HECW2: variants seen among roughly 807,000 people sequenced by gnomAD.
HECW2 encodes HECT, C2 and WW domain containing E3 ubiquitin protein ligase 2, also known as E3 ubiquitin-protein ligase HECW2.
Under a neutral mutation model 175.2 loss-of-function variants are expected in HECW2, and 61 were observed. The ratio of observed to expected loss-of-function variants is 0.35; its 90% CI spans 0.28 to 0.43. The LOEUF is 0.43. Among genes scored for constraint, HECW2 ranks in the 20% least tolerant of loss-of-function variants. The pLI, the probability that HECW2 is intolerant of heterozygous loss-of-function variation, is 1.00. For synonymous variants in HECW2, 671 were observed against 731.0 expected, an observed-to-expected ratio of 0.92 and a Z score of 1.32; for missense variants, 1,524 against 2,000.5, an observed-to-expected ratio of 0.76 and a Z score of 4.54.
At chr2:196,534,506 C>A (rs1688952765) in intron 1 of HECW2, among the ~76,000 whole-genome samples, 1 of 152,176 alleles carries the variant, frequency 6.6e-6, no homozygotes, top group Non-Finnish European at 1.5e-5. Flanking sequence ...AGAATCTTTT[C>A]AGCCTCAGAA....
intron 2 of HECW2, among the ~76,000 whole-genome samples, chr2:196,430,832 G>A (rs1343020132): frequency 2.6e-5 from 4 of 151,954 alleles, no homozygotes; most frequent in African/African-American, 9.6e-5. Context: ...ATGCATAACT[G>A]GCATCTCAGA....
intron 2 of HECW2, among the ~76,000 whole-genome samples, chr2:196,372,208 G>A (rs1693926602): frequency 6.6e-6 from 1 of 152,044 alleles, no homozygotes; most frequent in Admixed American, 6.5e-5. Flanking sequence ...TGATTTTCTT[G>A]ATATGTGGCA....
chr2:196,295,197 G>A (rs1290173704), intron 13 of HECW2, among the ~76,000 whole-genome samples: 2 of 152,166 alleles, frequency 1.3e-5, no homozygotes, highest in East Asian at 3.9e-4. Flanking sequence ...ATGCAGGCAG[G>A]CCTATGCATG....
At chr2:196,477,416 A>G (rs1686680710) in intron 1 of HECW2, among the ~76,000 whole-genome samples, 2 of 152,232 alleles carry the variant, frequency 1.3e-5, no homozygotes, top group African/African-American at 2.4e-5. Flanking sequence ...GCTTTTTAAA[A>G]TAAAGAAAAC....
chr2:196,438,017 G>T (rs1412498930), intron 1 of HECW2, among the ~76,000 whole-genome samples: 1 of 152,154 alleles, frequency 6.6e-6, no homozygotes, highest in Admixed American at 6.5e-5. Flanking sequence ...GGGTTTGTTT[G>T]CTTTCACGTT....
At chr2:196,456,424 T>C (rs902753065) in intron 1 of HECW2, among the ~76,000 whole-genome samples, 2 of 147,656 alleles carry the variant, frequency 1.4e-5, no homozygotes, top group Non-Finnish European at 3.0e-5. Flanking sequence ...ATTGCCACAC[T>C]ACTGGCTTCA....
At chr2:196,310,430 T>C (rs576686624) in intron 10 of HECW2, among the ~76,000 whole-genome samples, 23 of 152,230 alleles carry the variant, frequency 1.5e-4, no homozygotes, top group African/African-American at 5.5e-4. Context: ...ATGAACTACA[T>C]ATCCACTTCT....
intron 1 of HECW2, among the ~76,000 whole-genome samples, chr2:196,528,404 G>T (rs1688740073): frequency 6.6e-6 from 1 of 152,072 alleles, no homozygotes; most frequent in African/African-American, 2.4e-5. Flanking sequence ...ACACTATTCT[G>T]TTCTCCACAT....
chr2:196,319,145 G>A lies in HECW2; in HGVS notation c.1745C>T (p.Thr582Ile). 1 of 1,594,198 alleles carries A rather than the reference G, an allele frequency of 6.3e-7. No homozygotes were observed. Among genetic ancestry groups the A allele is most frequent in the Non-Finnish European group, 8.6e-7 (1 of 1,169,440 alleles). The change falls in exon 9 of 29, where the codon ACA becomes ATA. Residue 582 changes from threonine to isoleucine, a missense_variant. By Grantham distance (89) the Thr-to-Ile change is moderately conservative. Around this residue, in one of 11 missense-constraint regions of HECW2, gnomAD observed 604 missense variants for 588.3 expected, o/e 1.03. Transcript: ENST00000644978. The stretch of plus-strand genomic sequence containing the variant: ...TCCTCCTGATGCATCGGAAGTCCCT[G>A]TGTCTGCGCCACTTGTGGGCTGATC... ...EVDQPTSGAD[T>I]GTSDASGGSR...
intron 28 of HECW2, among the ~76,000 whole-genome samples, chr2:196,214,671 G>T (rs1041884278): frequency 1.3e-5 from 2 of 152,212 alleles, no homozygotes; most frequent in Admixed American, 6.5e-5. Context: ...TGATGCGTGT[G>T]GGGTGGCCAA....
In HECW2 at chr2:196,197,505, T is replaced by C. The variant is rs1686729593; in HGVS notation, c.*3772A>G. On this transcript the variant is annotated 3_prime_UTR_variant, in exon 29 of 29. Transcript: ENST00000644978. ...ACATTTTGCCTTCTGTTTTTTAAAT[T>C]TCTCATGTCAAGTCATGAAATGCAA... 1 of 152,132 alleles carries C rather than the reference T, an allele frequency of 6.6e-6. No homozygotes were observed. The highest frequency in any genetic ancestry group is 6.6e-5 in the Admixed American group (1 of 15,254). 9.4% of individuals were successfully genotyped at this position (152,132 alleles called of 1,614,324 possible).
intron 19 of HECW2, among the ~76,000 whole-genome samples, chr2:196,248,630 A>ACACACT (rs991743536): frequency 7.3e-5 from 11 of 151,068 alleles, no homozygotes; most frequent in Non-Finnish European, 1.3e-4. Context: ...ACACACACAC[A>ACACACT]CAGAGAGAGA....
chr2:196,295,939 G>T (rs1005994494), intron 13 of HECW2, among the ~76,000 whole-genome samples: 1 of 152,162 alleles, frequency 6.6e-6, no homozygotes, highest in African/African-American at 2.4e-5. Context: ...CAATGCAGGA[G>T]ATTTCTCTCA....
intron 1 of HECW2, among the ~76,000 whole-genome samples, chr2:196,451,354 A>G (rs2125307969): frequency 6.6e-6 from 1 of 151,354 alleles, no homozygotes; most frequent in Admixed American, 6.6e-5. Context: ...GAATTGCTTG[A>G]ACTGGGAAGC....
chr2:196,459,573 C>G (rs72912802), intron 1 of HECW2, among the ~76,000 whole-genome samples: 2 of 151,746 alleles, frequency 1.3e-5, no homozygotes, highest in Admixed American at 1.3e-4. Flanking sequence ...TCATGATGTC[C>G]CCTCCCTCCA....
At chr2:196,381,662 G>A (rs912161474) in intron 2 of HECW2, among the ~76,000 whole-genome samples, 2 of 152,048 alleles carry the variant, frequency 1.3e-5, no homozygotes, top group African/African-American at 4.8e-5. Flanking sequence ...ACCCAGCTGA[G>A]GTTATAAGGG....
At chr2:196,467,856 G>A (rs1416516058) in intron 1 of HECW2, among the ~76,000 whole-genome samples, 1 of 152,106 alleles carries the variant, frequency 6.6e-6, no homozygotes, top group Non-Finnish European at 1.5e-5. Context: ...TTCCCTAAGT[G>A]TCCATGTTAC....
At chr2:196,329,296 G>A (rs1466312765) in intron 5 of HECW2, among the ~76,000 whole-genome samples, 1 of 151,998 alleles carries the variant, frequency 6.6e-6, no homozygotes, top group Non-Finnish European at 1.5e-5. Flanking sequence ...TCCTCAGTGA[G>A]GTTAGCACAT....
At chr2:196,257,631 T>C (rs536445764) in intron 18 of HECW2, 192 bp downstream of exon 18, 1 of 579,136 alleles carries the variant, frequency 1.7e-6, no homozygotes, top group East Asian at 2.9e-5. Context: ...TAAACAGATC[T>C]CAGTGTAACA....
Sources: allele counts gnomAD v4.1 joint callset (sites outside exome capture counted in the v4.1 genomes callset), GRCh38; gene constraint gnomAD v4.1.1; regional missense constraint gnomAD v4.1.1; transcripts MANE v1.5; gene names NCBI Gene and HGNC (gene_info 2026-07-23, HGNC 2026-07-21).